Variants in CHERP observed in about 807,000 individuals in gnomAD.
CHERP encodes the protein calcium homeostasis endoplasmic reticulum protein, also known as ERPROT 213-21.
In CHERP, 8 loss-of-function variants were observed where a neutral mutation model predicts 113.8. That is an observed-to-expected ratio of 0.07 (90% CI 0.04 to 0.13). CHERP has a LOEUF of 0.13. Ranked by LOEUF, CHERP falls within the 10% of genes least tolerant of loss-of-function variation. CHERP has a pLI of 1.00. For synonymous variants in CHERP, 559 were observed against 524.5 expected (o/e 1.07, Z -0.90); for missense variants, 884 against 1,298.2 (o/e 0.68, Z 4.90).
chr19:16,539,297 G>A (rs1173190791), intron 2 of CHERP, among the ~76,000 whole-genome samples: 27 of 151,862 alleles, frequency 1.8e-4, no homozygotes, highest in Admixed American at 8.5e-4. Flanking sequence ...ACAGGCGCCC[G>A]CTACCACGCC....
At chr19:16,541,674 T>C in intron 2 of CHERP, 196 bp downstream of exon 2, 1 of 537,402 alleles carries the variant, frequency 1.9e-6, no homozygotes, top group Non-Finnish European at 3.2e-6. Flanking sequence ...AAAACCTCGT[T>C]GTTCTCCATT....
At chr19:16,533,937 G>A (rs77418150) in intron 3 of CHERP, among the ~76,000 whole-genome samples, 5,109 of 152,248 alleles carry the variant, frequency 0.034, 110 homozygotes, top group Non-Finnish European at 0.05. Flanking sequence ...GTTAAAGTGC[G>A]ACTGGTAAAA....
rs560285103 is a variant in CHERP, at chr19:16,531,214, C to A, written c.675-334G>T. On this transcript the variant is annotated intron_variant, in intron 5 of 16. Transcript: ENST00000546361. Reference sequence around the variant, plus strand: ...GTGAAGGGATATGGGCCGGCGGGAGCCCCTGCCTGTGTATGATGGGCGGGA... The same window carrying A: ...GTGAAGGGATATGGGCCGGCGGGAGACCCTGCCTGTGTATGATGGGCGGGA... Among the ~76,000 whole-genome samples the A allele has an allele frequency of 2.2e-3, 328 of 152,332 alleles. 1 individual carries two copies. Among genetic ancestry groups the A allele is most frequent in the African/African-American group, 7.7e-3 (321 of 41,578 alleles).
In CHERP at chr19:16,525,072, T is replaced by C. The variant is rs1169721669; in HGVS notation, c.1741+170A>G. 6.6e-6 allele frequency among the ~76,000 whole-genome samples: 1 copy of C among 152,176 alleles called. No homozygotes were observed. Among genetic ancestry groups the C allele is most frequent in the Admixed American group, 6.5e-5 (1 of 15,282 alleles). ...CATCAGGGCGGCAAAACTGAGTCTG[T>C]GCCCCCACTTCCTGAGAACCCAGGC... On this transcript the variant is annotated intron_variant, in intron 10 of 16. Coordinates refer to ENST00000546361, the MANE Select transcript of CHERP (RefSeq NM_006387.6). The surrounding 1 kb of genome is among the most constrained non-coding windows in gnomAD (Gnocchi z 6.5).
At position 16,529,868 on chromosome 19, in the gene CHERP, G is replaced by A. The variant is rs201917931; in HGVS notation, c.909C>T (p.Val303=). 48 of 1,613,696 alleles carry A rather than the reference G, an allele frequency of 3.0e-5. No individual in the cohort carries two copies. The African/African-American group carries it at 6.0e-4, about 20-fold the overall frequency. The change falls in exon 8 of 17, where the codon GTC becomes GTT. Residue 303 remains valine (V), a synonymous_variant. Coordinates refer to ENST00000546361, the MANE Select transcript of CHERP (RefSeq NM_006387.6). ...ATLINEYSSV[V]QPVQLAFQQQ... ...GCTGGAAGGCCAGCTGCACCGGCTG[G>A]ACCACTGAGGAGTACTCGTTGATGA...
Position 16,532,498 on chromosome 19 carries a change from C to G in CHERP, c.674+100G>C. The G allele has an allele frequency of 7.2e-7, 1 of 1,393,354 alleles. No individual in the cohort carries two copies. Among genetic ancestry groups the G allele is most frequent in the Non-Finnish European group, 9.5e-7 (1 of 1,053,966 alleles). 86.3% of individuals were successfully genotyped at this position (1,393,354 alleles called of 1,614,324 possible). Reference sequence around the variant, plus strand: ...GGACAAGTGCCCCCTAGTCTCGGGACAGGCCAAGCCAAGCTACCGACCGGA... The same window carrying G: ...GGACAAGTGCCCCCTAGTCTCGGGAGAGGCCAAGCCAAGCTACCGACCGGA... On this transcript the variant is annotated intron_variant, in intron 5 of 16. Transcript: ENST00000546361. This position sits in a 1 kb window ranked among gnomAD's most constrained non-coding sequence, Gnocchi z 4.4.
chr19:16,519,360 CAG>C lies in CHERP; in HGVS notation c.2558-10_2558-9del, dbSNP rs777015688. 1.2e-5 allele frequency: 19 copies of C among 1,608,158 alleles called. No homozygotes were observed. The highest frequency in any genetic ancestry group is 3.4e-5 in the Admixed American group (2 of 58,774). On this transcript the variant is annotated splice_polypyrimidine_tract_variant and intron_variant, in intron 16 of 16. Transcript: ENST00000546361. The surrounding 1 kb of genome is among the most constrained non-coding windows in gnomAD (Gnocchi z 6.0). The stretch of plus-strand genomic sequence containing the variant: ...CGCCTGAGCCGCTCCAGCCTGGAAA[CAG>C]AGACGCAGTCACAACCACAACAAGG...
At position 16,525,095 on chromosome 19, in the gene CHERP, G is replaced by C. The variant is rs1272184503; in HGVS notation, c.1741+147C>G. On this transcript the variant is annotated intron_variant, in intron 10 of 16. Coordinates refer to ENST00000546361, the MANE Select transcript of CHERP (RefSeq NM_006387.6). This position sits in a 1 kb window ranked among gnomAD's most constrained non-coding sequence, Gnocchi z 6.5. ...TGTGCCCCCACTTCCTGAGAACCCA[G>C]GCCGGGCTCCTCGGACGTCCCATGA... 1.3e-6 allele frequency: 1 copy of C among 755,024 alleles called. No individual in the cohort carries two copies. The highest frequency in any genetic ancestry group is 1.9e-6 in the Non-Finnish European group (1 of 538,354). 46.8% of individuals were successfully genotyped at this position (755,024 alleles called of 1,614,324 possible).
intron 5 of CHERP, among the ~76,000 whole-genome samples, chr19:16,531,493 G>A (rs2085704323): frequency 6.6e-6 from 1 of 152,218 alleles, no homozygotes; most frequent in Non-Finnish European, 1.5e-5. Flanking sequence ...GCAGGGAGAT[G>A]GCTGCCCCTG....
Position 16,525,375 on chromosome 19 carries a change from G to A in CHERP, c.1608C>T (p.Asn536=), listed in dbSNP as rs1236714414. 7 of 1,496,350 alleles carry A rather than the reference G, an allele frequency of 4.7e-6. No individual in the cohort carries two copies. In the South Asian group the frequency reaches 8.2e-5, roughly 18 times the overall value. The allele number at this position is 1,496,350 out of a possible 1,614,324, so 92.7% of individuals were successfully genotyped here. A position where few individuals can be genotyped will look rare whatever the true frequency, so the allele number is the denominator to read the frequency against. The change falls in exon 10 of 17, where the codon AAC becomes AAT. Residue 536 remains asparagine, a synonymous_variant. Transcript: ENST00000546361. The surrounding 1 kb of genome is among the most constrained non-coding windows in gnomAD (Gnocchi z 6.5). ...TGAAGTTGTGGGGGTGCGGAGGCTG[G>A]TTGAACTGCGGGTGCTGCTGGTGGG... ...FPPHQQHPQF[N]QPPHPHNFNR...
chr19:16,535,736 G>T lies in CHERP; in HGVS notation c.200-100C>A. The T allele has an allele frequency of 8.5e-7, 1 of 1,176,996 alleles. No individual in the cohort carries two copies. The highest frequency in any genetic ancestry group is 1.2e-6 in the Non-Finnish European group (1 of 864,074). The allele number at this position is 1,176,996 out of a possible 1,614,324, so 72.9% of individuals were successfully genotyped here. The stretch of plus-strand genomic sequence containing the variant: ...CCACAGGGGCCTCCCCCTCCCCAGG[G>T]ACTCACCATCCACGAGGGCCTGTTC... On this transcript the variant is annotated intron_variant, in intron 2 of 16. Transcript: ENST00000546361. This position sits in a 1 kb window ranked among gnomAD's most constrained non-coding sequence, Gnocchi z 4.3.
intron 11 of CHERP, among the ~76,000 whole-genome samples, chr19:16,522,007 T>C (rs1029863653): frequency 6.6e-6 from 1 of 152,216 alleles, no homozygotes; most frequent in Admixed American, 6.5e-5. Context: ...ATGCCTACCC[T>C]GGGCCCCCGC....
intron 2 of CHERP, among the ~76,000 whole-genome samples, chr19:16,537,984 A>G (rs2085752697): frequency 6.6e-6 from 1 of 152,218 alleles, no homozygotes; most frequent in Non-Finnish European, 1.5e-5. Flanking sequence ...CCTTCACCAC[A>G]GAGTTCGTGA....
chr19:16,537,358 G>A (rs2085748307), intron 2 of CHERP, among the ~76,000 whole-genome samples: 1 of 151,946 alleles, frequency 6.6e-6, no homozygotes, highest in African/African-American at 2.4e-5. Flanking sequence ...TCTGAGCCCT[G>A]TCCTCCGCTC....
chr19:16,534,329 C>T (rs1599753601), intron 3 of CHERP, among the ~76,000 whole-genome samples: 1 of 152,042 alleles, frequency 6.6e-6, no homozygotes, highest in East Asian at 1.9e-4. Flanking sequence ...GGATTATAGG[C>T]TGAGCCACTG....
Position 16,520,576 on chromosome 19 carries a change from G to A in CHERP, c.2202-69C>T, listed in dbSNP as rs2085602836. On this transcript the variant is annotated intron_variant, in intron 13 of 16. Transcript: ENST00000546361. This position sits in a 1 kb window ranked among gnomAD's most constrained non-coding sequence, Gnocchi z 4.0. Reference sequence around the variant, plus strand: ...TGCACCCAGCCCACCCTGGCCCTCAGGTTCCTAGACCACCCCAGATGCAGG... The same window carrying A: ...TGCACCCAGCCCACCCTGGCCCTCAAGTTCCTAGACCACCCCAGATGCAGG... 7 of 1,548,930 alleles carry A rather than the reference G, an allele frequency of 4.5e-6. No homozygotes were observed. The highest frequency in any genetic ancestry group is 6.1e-6 in the Non-Finnish European group (7 of 1,142,652).
At position 16,520,855 on chromosome 19, in the gene CHERP, C is replaced by T. The variant is rs756701707; in HGVS notation, c.2172G>A (p.Arg724=). 3 of 1,613,946 alleles carry T rather than the reference C, an allele frequency of 1.9e-6. No individual in the cohort carries two copies. Among genetic ancestry groups the T allele is most frequent in the South Asian group, 2.2e-5 (2 of 91,090 alleles). Residue 724 remains arginine (R), a synonymous_variant, in exon 13 of 17, where the codon CGG becomes CGA. Coordinates refer to ENST00000546361, the MANE Select transcript of CHERP (RefSeq NM_006387.6). This position sits in a 1 kb window ranked among gnomAD's most constrained non-coding sequence, Gnocchi z 4.0. ...TCCTCTTCTCCTGGCCTTTCCTCCG[C>T]CGGGCCCGCATTTTTGCTCGGAAGA... The part of the protein sequence containing the change: ...YEFFRAKMRA[R]RRKGQEKRNS...
intron 1 of CHERP, 133 bp downstream of exon 1, chr19:16,542,221 C>A (rs1231627560): frequency 5.6e-6 from 6 of 1,078,028 alleles, no homozygotes; most frequent in African/African-American, 3.4e-5. Context: ...CGGGGACCCA[C>A]GGGAGAGGCC....
Position 16,519,467 on chromosome 19 carries a change from C to T in CHERP, c.2558-115G>A, listed in dbSNP as rs114518758. The stretch of plus-strand genomic sequence containing the variant: ...ACATGGGAAATGGGTAGAGAGAACC[C>T]GCAGGCCGGCCCTGTCTAGAGGGTC... On this transcript the variant is annotated intron_variant, in intron 16 of 16. Coordinates refer to ENST00000546361, the MANE Select transcript of CHERP (RefSeq NM_006387.6). This position sits in a 1 kb window ranked among gnomAD's most constrained non-coding sequence, Gnocchi z 6.0. 6.4e-4 allele frequency: 835 copies of T among 1,296,178 alleles called. 4 individuals carry two copies. The African/African-American group carries it at 0.01, about 16-fold the overall frequency. 80.3% of individuals were successfully genotyped at this position (1,296,178 alleles called of 1,614,324 possible). A position where few individuals can be genotyped will look rare whatever the true frequency, so the allele number is the denominator to read the frequency against.
Sources: allele counts gnomAD v4.1 joint callset (sites outside exome capture counted in the v4.1 genomes callset), GRCh38; gene constraint gnomAD v4.1.1; non-coding constraint Gnocchi (gnomAD v3.1); transcripts MANE v1.5; gene names NCBI Gene and HGNC (gene_info 2026-07-23, HGNC 2026-07-21).